LHCGR: variants seen among roughly 807,000 people sequenced by gnomAD.
The protein encoded by LHCGR is lutropin-choriogonadotropic hormone receptor.
In LHCGR, 55 loss-of-function variants were observed where a neutral mutation model predicts 60.7. That is an observed-to-expected ratio of 0.91 (90% CI 0.73 to 1.13). The LOEUF is 1.13. Among genes scored for constraint, LHCGR ranks in the 50% most tolerant of loss-of-function variants. The probability of loss-of-function intolerance (pLI) is 0.00; values close to 1 mark genes in which losing one functional copy is unlikely to be tolerated. For missense variants in LHCGR, 862 were observed against 836.0 expected (o/e 1.03, Z -0.38); for synonymous variants, 337 against 316.5 (o/e 1.06, Z -0.69).
intron 1 of LHCGR, among the ~76,000 whole-genome samples, chr2:48,750,104 G>A (rs1306376131): frequency 6.6e-6 from 1 of 152,184 alleles, no homozygotes. Flanking sequence ...GGCTAGGGAG[G>A]TGGGACATAA....
At chr2:48,721,592 A>G in intron 6 of LHCGR, 1 of 418,584 alleles carries the variant, frequency 2.4e-6, no homozygotes, top group Non-Finnish European at 4.8e-6. Flanking sequence ...AAGTAAAAGT[A>G]CTATACAAAG....
intron 1 of LHCGR, among the ~76,000 whole-genome samples, chr2:48,752,997 T>TGGGGGGGGGGGGGGGGGGGGGGGGGGG (rs1558909396): frequency 5.4e-5 from 1 of 18,436 alleles, no homozygotes; most frequent in Non-Finnish European, 9.8e-5. Context: ...GGGGGGGGGG[T>TGGGGGGGGGGGGGGGGGGGGGGGGGGG]GGGGAAGGGA....
intron 1 of LHCGR, among the ~76,000 whole-genome samples, chr2:48,753,352 T>G (rs1426460894): frequency 6.6e-6 from 1 of 152,220 alleles, no homozygotes; most frequent in African/African-American, 2.4e-5. Flanking sequence ...AAAGTTACCC[T>G]GTTTTGGCCT....
intron 1 of LHCGR, among the ~76,000 whole-genome samples, chr2:48,740,554 A>T (rs1669400699): frequency 6.6e-6 from 1 of 152,138 alleles, no homozygotes; most frequent in African/African-American, 2.4e-5. Flanking sequence ...GAGCAGCCTA[A>T]CTGGGAGGCA....
intron 8 of LHCGR, among the ~76,000 whole-genome samples, chr2:48,699,061 T>C (rs1219237500): frequency 6.6e-6 from 1 of 152,090 alleles, no homozygotes; most frequent in Non-Finnish European, 1.5e-5. Context: ...TCTGACCTCG[T>C]GATCCGCCCA....
chr2:48,719,527 A>G (rs1328758790), intron 6 of LHCGR, among the ~76,000 whole-genome samples: 3 of 152,212 alleles, frequency 2.0e-5, no homozygotes, highest in African/African-American at 7.2e-5. Context: ...GTGACCAATC[A>G]CCTAGAATAT....
In LHCGR at chr2:48,688,792, G is replaced by A. The variant is rs1572804292; in HGVS notation, c.1005C>T (p.Phe335=). The change falls in exon 11 of 11, where the codon TTC becomes TTT. Residue 335 remains phenylalanine, a synonymous_variant. Coordinates refer to ENST00000294954, the MANE Select transcript of LHCGR (RefSeq NM_000233.4). This position sits in a 1 kb window ranked among gnomAD's most constrained non-coding sequence, Gnocchi z 5.2. ...CACATCGGGGTGTCTTGGGTAAGCA[G>A]AAACCATATTCATAGTCCCAGCCAC... ...ELSGWDYEYG[F]CLPKTPRCAP... is the part of the protein sequence containing the mutation. 6.2e-7 allele frequency: 1 copy of A among 1,614,046 alleles called. No individual in the cohort carries two copies. Among genetic ancestry groups the A allele is most frequent in the African/African-American group, 1.3e-5 (1 of 74,912 alleles).
chr2:48,723,349 C>T (rs1225716026), intron 6 of LHCGR, 107 bp downstream of exon 6: 5 of 797,850 alleles, frequency 6.3e-6, no homozygotes, highest in South Asian at 1.4e-5. Context: ...AAGAATGTCA[C>T]CAGTGAGTGA....
intron 10 of LHCGR, among the ~76,000 whole-genome samples, chr2:48,690,589 G>A (rs992723297): frequency 2.6e-5 from 4 of 152,134 alleles, no homozygotes; most frequent in Admixed American, 6.6e-5. Flanking sequence ...GTAGTTCTCT[G>A]AATAAGTTCT....
chr2:48,711,873 T>G (rs184096676), intron 7 of LHCGR, among the ~76,000 whole-genome samples: 2 of 152,188 alleles, frequency 1.3e-5, no homozygotes, highest in African/African-American at 4.8e-5. Context: ...AGATGAACCT[T>G]CTTTAAGCAC....
At chr2:48,741,546 T>G (rs1314646096) in intron 1 of LHCGR, among the ~76,000 whole-genome samples, 2 of 151,644 alleles carry the variant, frequency 1.3e-5, no homozygotes, top group African/African-American at 4.8e-5. Flanking sequence ...TCCACATTCT[T>G]AAAGAAAAGA....
chr2:48,755,397 G>A (rs543470707), intron 1 of LHCGR, 114 bp downstream of exon 1: 3 of 707,994 alleles, frequency 4.2e-6, no homozygotes, highest in Non-Finnish European at 6.9e-6. Flanking sequence ...AGGGCAAAGC[G>A]TTTTTCTCCA....
At chr2:48,691,521 A>C (rs896538301) in intron 10 of LHCGR, among the ~76,000 whole-genome samples, 7 of 152,290 alleles carry the variant, frequency 4.6e-5, no homozygotes, top group South Asian at 4.1e-4. Flanking sequence ...AGAACTATTA[A>C]AGAAAATAGA....
intron 1 of LHCGR, among the ~76,000 whole-genome samples, chr2:48,746,266 A>G (rs1669701972): frequency 1.3e-5 from 2 of 152,138 alleles, no homozygotes; most frequent in Admixed American, 6.5e-5. Flanking sequence ...TGGGTCAGTC[A>G]CTTTTAAGTC....
chr2:48,744,854 TTAAAC>T (rs1166094667), intron 1 of LHCGR, among the ~76,000 whole-genome samples: 4 of 151,816 alleles, frequency 2.6e-5, no homozygotes, highest in African/African-American at 9.7e-5. Context: ...TGGGATCCAA[TTAAAC>T]TAAAGAGCTT....
intron 1 of LHCGR, among the ~76,000 whole-genome samples, 176 bp downstream of exon 1, chr2:48,755,332 AAAC>A (rs1670158092): frequency 6.6e-6 from 1 of 152,108 alleles, no homozygotes; most frequent in Admixed American, 6.5e-5. Flanking sequence ...GGGGTGGTAA[AAAC>A]AACCACCAAG....
intron 2 of LHCGR, among the ~76,000 whole-genome samples, chr2:48,730,602 A>G (rs1668945426): frequency 6.6e-6 from 1 of 152,176 alleles, no homozygotes; most frequent in Admixed American, 6.5e-5. Context: ...GACTCAGGCT[A>G]ATATTAAGAA....
At chr2:48,740,294 T>G (rs1190303292) in intron 1 of LHCGR, among the ~76,000 whole-genome samples, 1 of 152,166 alleles carries the variant, frequency 6.6e-6, no homozygotes, top group Non-Finnish European at 1.5e-5. Flanking sequence ...CAGGCTTGCT[T>G]AGGTAAACAA....
In LHCGR at chr2:48,729,328, C is replaced by T; in HGVS notation, c.234-101G>A. 1.0e-5 allele frequency: 9 copies of T among 866,840 alleles called. No homozygotes were observed. The East Asian group carries it at 2.2e-4, about 21-fold the overall frequency. The allele number at this position is 866,840 out of a possible 1,614,324, so 53.7% of individuals were successfully genotyped here. A position where few individuals can be genotyped will look rare whatever the true frequency, so the allele number is the denominator to read the frequency against. On this transcript the variant is annotated intron_variant, in intron 2 of 10. Coordinates refer to ENST00000294954, the MANE Select transcript of LHCGR (RefSeq NM_000233.4). ...TGTGTGACCCAACAACTGGGGACAC[C>T]ACTGTGTCCCCCTGAAAAGAACAAA...
Sources: allele counts gnomAD v4.1 joint callset (sites outside exome capture counted in the v4.1 genomes callset), GRCh38; gene constraint gnomAD v4.1.1; non-coding constraint Gnocchi (gnomAD v3.1); transcripts MANE v1.5; gene names NCBI Gene and HGNC (gene_info 2026-07-23, HGNC 2026-07-21).